Variants in TNNI3K observed in about 807,000 individuals in gnomAD.
The protein encoded by TNNI3K is serine/threonine-protein kinase TNNI3K.
A neutral mutation model predicts 114.5 loss-of-function variants in TNNI3K; 140 were observed. The observed-to-expected ratio is 1.22, with a 90% CI of 1.07 to 1.41. The LOEUF is 1.41. Among genes scored for constraint, TNNI3K ranks in the 40% most tolerant of loss-of-function variants. The probability of loss-of-function intolerance (pLI) is 0.00; values close to 1 mark genes in which losing one functional copy is unlikely to be tolerated. For synonymous variants in TNNI3K, 347 were observed against 347.5 expected (o/e 1.00, Z 0.02); for missense variants, 1,125 against 1,007.6 (o/e 1.12, Z -1.58).
In TNNI3K at chr1:74,331,544, A is replaced by C. The variant is rs942437559; in HGVS notation, c.539A>C (p.Glu180Ala). 6.2e-7 allele frequency: 1 copy of C among 1,610,500 alleles called. No individual in the cohort carries two copies. Among genetic ancestry groups the C allele is most frequent in the Non-Finnish European group, 8.5e-7 (1 of 1,177,786 alleles). The change falls in exon 6 of 25, where the codon GAA becomes GCA. Residue 180 changes from glutamate (E) to alanine (A), a missense_variant. Coordinates refer to ENST00000326637, the MANE Select transcript of TNNI3K (RefSeq NM_015978.3). ...PLHIAAYYGH[E>A]QVTRLLLKFG... ...CATATTGCAGCGTACTATGGACATG[A>C]ACAGGTAAGTCTGACAGTAGGATTT... is the stretch of plus-strand genomic sequence containing the variant.
chr1:74,243,287 G>A (rs1654360501), intron 2 of TNNI3K, among the ~76,000 whole-genome samples: 1 of 152,136 alleles, frequency 6.6e-6, no homozygotes, highest in Non-Finnish European at 1.5e-5. Context: ...ATTTCTTGGA[G>A]ATATATATTA....
intron 6 of TNNI3K, among the ~76,000 whole-genome samples, chr1:74,332,712 G>C (rs887165550): frequency 3.3e-5 from 5 of 152,044 alleles, no homozygotes; most frequent in African/African-American, 1.2e-4. Context: ...ACTCAGTTCT[G>C]TCTGATCCCA....
intron 20 of TNNI3K, among the ~76,000 whole-genome samples, chr1:74,451,685 T>TTCTTTTCTA (rs1557575026): frequency 1.6e-4 from 11 of 69,130 alleles, no homozygotes; most frequent in African/African-American, 5.1e-4. Flanking sequence ...TTCTTTTCTT[T>TTCTTTTCTA]TCTTTCTTTC....
chr1:74,499,805 G>A (rs1027448004), intron 23 of TNNI3K, among the ~76,000 whole-genome samples: 4 of 152,122 alleles, frequency 2.6e-5, no homozygotes, highest in African/African-American at 9.6e-5. Context: ...CATTTATTTA[G>A]ATGTTCTTTA....
intron 17 of TNNI3K, among the ~76,000 whole-genome samples, chr1:74,384,186 A>C (rs1476511956): frequency 6.6e-6 from 1 of 152,170 alleles, no homozygotes; most frequent in Admixed American, 6.5e-5. Flanking sequence ...CTTAATATTG[A>C]ACAATTCTGT....
chr1:74,354,161 A>G (rs755345480), intron 11 of TNNI3K, 32 bp downstream of exon 11: 1 of 1,613,058 alleles, frequency 6.2e-7, no homozygotes, highest in Non-Finnish European at 8.5e-7. Context: ...CTCTATAGTG[A>G]TACATTGAAC....
At chr1:74,346,993 TATTA>T (rs1350278319) in intron 9 of TNNI3K, among the ~76,000 whole-genome samples, 2 of 151,078 alleles carry the variant, frequency 1.3e-5, no homozygotes, top group African/African-American at 4.9e-5. Flanking sequence ...TTTATTTATT[TATTA>T]ATTATTATTA....
chr1:74,464,702 A>C, intron 21 of TNNI3K: 2 of 1,593,508 alleles, frequency 1.3e-6, no homozygotes, highest in Non-Finnish European at 1.7e-6. Context: ...AAGAAAAATG[A>C]AGATCGTTTT....
intron 23 of TNNI3K, among the ~76,000 whole-genome samples, chr1:74,530,471 T>C (rs1570748025): frequency 6.6e-6 from 1 of 152,150 alleles, no homozygotes; most frequent in East Asian, 1.9e-4. Context: ...GTAGAGTCCC[T>C]GGCGCTTAGC....
At chr1:74,464,785 T>G in intron 21 of TNNI3K, 1 of 1,527,116 alleles carries the variant, frequency 6.5e-7, no homozygotes, top group Non-Finnish European at 8.8e-7. Context: ...ACATGTTTAT[T>G]TGTTTAGAAT....
chr1:74,368,091 G>A, intron 13 of TNNI3K, 127 bp downstream of exon 13: 2 of 868,462 alleles, frequency 2.3e-6, no homozygotes, highest in Non-Finnish European at 3.3e-6. Flanking sequence ...AAATATTATT[G>A]ACAGACCGTT....
chr1:74,278,106 T>C (rs958424958), intron 5 of TNNI3K, among the ~76,000 whole-genome samples: 2 of 145,158 alleles, frequency 1.4e-5, no homozygotes, highest in East Asian at 4.1e-4. Flanking sequence ...AATGACAGAA[T>C]GCTTAGAATT....
intron 2 of TNNI3K, among the ~76,000 whole-genome samples, chr1:74,239,320 G>A (rs2100825611): frequency 6.6e-6 from 1 of 152,224 alleles, no homozygotes; most frequent in Non-Finnish European, 1.5e-5. Context: ...AGTGTGCTGA[G>A]AATGTAAATT....
chr1:74,370,337 G>A lies in TNNI3K; in HGVS notation c.1717G>A (p.Gly573Ser). 6.2e-7 allele frequency: 1 copy of A among 1,607,266 alleles called. No individual in the cohort carries two copies. The highest frequency in any genetic ancestry group is 8.5e-7 in the Non-Finnish European group (1 of 1,175,956). ...AATTATTGCAGTAGATGTTGCCAAA[G>A]GCATGGAGTACCTTCACAACCTGAC... ...KLIIAVDVAK[G>S]MEYLHNLTQP... Residue 573 changes from glycine (G) to serine (S), a missense_variant, in exon 17 of 25, where the codon GGC (glycine) becomes AGC (serine). By Grantham distance (56) the Gly-to-Ser change is moderately conservative. Transcript: ENST00000326637.
intron 23 of TNNI3K, among the ~76,000 whole-genome samples, chr1:74,521,793 T>C (rs559229418): frequency 1.3e-4 from 20 of 152,176 alleles, no homozygotes; most frequent in African/African-American, 4.8e-4. Context: ...GGTGAGTGAA[T>C]GTTTCTTGCT....
At chr1:74,363,756 A>G (rs1161457231) in intron 11 of TNNI3K, among the ~76,000 whole-genome samples, 1 of 151,820 alleles carries the variant, frequency 6.6e-6, no homozygotes. Flanking sequence ...TCCCCCAAGA[A>G]GTGTCTCCTA....
At chr1:74,496,215 T>A (rs999248961) in intron 23 of TNNI3K, among the ~76,000 whole-genome samples, 22 of 152,098 alleles carry the variant, frequency 1.4e-4, no homozygotes, top group African/African-American at 4.3e-4. Context: ...AGTCATTCTG[T>A]AAGAAGGGGA....
chr1:74,370,366 G>A lies in TNNI3K; in HGVS notation c.1746G>A (p.Gln582=). The A allele has an allele frequency of 6.2e-7, 1 of 1,606,562 alleles. No homozygotes were observed. The part of the protein sequence containing the change: ...KGMEYLHNLT[Q]PIIHRDLNSH... ...TGGAGTACCTTCACAACCTGACACAGCCAATTATACATCGTGACTTGAACA... is the reference window on the plus strand; with the variant it reads ...TGGAGTACCTTCACAACCTGACACAACCAATTATACATCGTGACTTGAACA... The change falls in exon 17 of 25, where the codon CAG becomes CAA. Residue 582 remains glutamine, a synonymous_variant. Coordinates refer to ENST00000326637, the MANE Select transcript of TNNI3K (RefSeq NM_015978.3).
chr1:74,386,941 TGTACTCATTGTCAA>T (rs1185498086), intron 17 of TNNI3K, among the ~76,000 whole-genome samples: 1 of 152,188 alleles, frequency 6.6e-6, no homozygotes, highest in Non-Finnish European at 1.5e-5. Context: ...ATTAAGGATA[TGTACTCATTGTCAA>T]GACAAGGGAG....
Sources: allele counts gnomAD v4.1 joint callset (sites outside exome capture counted in the v4.1 genomes callset), GRCh38; gene constraint gnomAD v4.1.1; transcripts MANE v1.5; gene names NCBI Gene and HGNC (gene_info 2026-07-23, HGNC 2026-07-21).